Variants in PRICKLE2 observed in about 807,000 individuals in gnomAD.
PRICKLE2 encodes the protein prickle planar cell polarity protein 2.
A neutral mutation model predicts 81.4 loss-of-function variants in PRICKLE2; 21 were observed. The ratio of observed to expected loss-of-function variants is 0.26; its 90% CI spans 0.18 to 0.37. PRICKLE2 has a LOEUF of 0.37. Among genes scored for constraint, PRICKLE2 ranks in the 10% least tolerant of loss-of-function variants. The pLI is 1.00. For missense variants in PRICKLE2, 940 were observed against 1,109.0 expected (o/e 0.85, Z 2.16); for synonymous variants, 456 against 421.5 (o/e 1.08, Z -1.00).
At chr3:64,113,760 G>A (rs190026489) in intron 7 of PRICKLE2, among the ~76,000 whole-genome samples, 31 of 151,096 alleles carry the variant, frequency 2.1e-4, no homozygotes, top group African/African-American at 6.6e-4. Flanking sequence ...AGAGAACAGC[G>A]GACACCCCCA....
At chr3:64,175,812 A>G (rs186378046) in intron 2 of PRICKLE2, among the ~76,000 whole-genome samples, 144 of 152,342 alleles carry the variant, frequency 9.5e-4, no homozygotes, top group African/African-American at 3.4e-3. Flanking sequence ...ACTGTGAACT[A>G]TAAGGCTGTA....
chr3:64,165,607 T>G (rs999518663), intron 2 of PRICKLE2, among the ~76,000 whole-genome samples: 2 of 152,158 alleles, frequency 1.3e-5, no homozygotes, highest in Non-Finnish European at 2.9e-5. Flanking sequence ...CTTGACCTCC[T>G]GGGCTTAAGC....
chr3:64,232,747 C>T lies in PRICKLE2; in HGVS notation c.129-33780G>A, dbSNP rs574442570. Among the ~76,000 whole-genome samples, 3 of 152,266 alleles carry T rather than the reference C, an allele frequency of 2.0e-5. No homozygotes were observed. The South Asian group carries it at 6.2e-4, about 32-fold the overall frequency. On this transcript the variant is annotated intron_variant, in intron 2 of 8. Transcript: ENST00000295902. ...AGACCAACTGCCTATGTCACATCTC[C>T]ATCTCTTAATTCCCAGTTGAGTCCA... is the stretch of plus-strand genomic sequence containing the variant.
At position 64,159,968 on chromosome 3, in the gene PRICKLE2, A is replaced by C; in HGVS notation, c.368T>G (p.Val123Gly). The change falls in exon 4 of 8, where the codon GTC becomes GGC. Residue 123 changes from valine (V) to glycine (G), a missense_variant. Coordinates refer to ENST00000638394, the MANE Select transcript of PRICKLE2 (RefSeq NM_198859.4). ...TTCACAAATAGCTCCTGTCATGGTG[A>C]CTGGGAAAGGCCTGACATTCCCGCG... ...LGRGNVRPFP[V>G]TMTGAICEQC... The C allele has an allele frequency of 6.2e-7, 1 of 1,614,142 alleles. No homozygotes were observed. Among genetic ancestry groups the C allele is most frequent in the South Asian group, 1.1e-5 (1 of 91,072 alleles).
intron 2 of PRICKLE2, chr3:64,174,344 T>C (rs751012900): frequency 6.6e-6 from 1 of 152,210 alleles, no homozygotes; most frequent in Non-Finnish European, 1.5e-5. Flanking sequence ...ATTCATCTCA[T>C]ACAGTTATTG....
chr3:64,194,549 G>T (rs544054722), intron 2 of PRICKLE2, among the ~76,000 whole-genome samples: 1 of 152,158 alleles, frequency 6.6e-6, no homozygotes, highest in Non-Finnish European at 1.5e-5. Context: ...CAATGCAGAG[G>T]ACAGTCACCA....
chr3:64,251,664 G>A (rs563372017), intron 2 of PRICKLE2, among the ~76,000 whole-genome samples: 1 of 152,204 alleles, frequency 6.6e-6, no homozygotes, highest in Non-Finnish European at 1.5e-5. Context: ...CAGAGTTTGG[G>A]GCTAGCTCAC....
intron 7 of PRICKLE2, chr3:64,106,002 T>A (rs1434099852): frequency 4.6e-5 from 7 of 152,240 alleles, no homozygotes; most frequent in Non-Finnish European, 1.0e-4. Flanking sequence ...TTCATCTCTG[T>A]CTTCTTGACA....
In PRICKLE2 at chr3:64,153,115, A is replaced by T. The variant is rs925883453; in HGVS notation, c.787+67T>A. On this transcript the variant is annotated intron_variant, in intron 6 of 7. Transcript: ENST00000638394. ...TAACACTTGCAATCAAAGATACTTT[A>T]ACTACACCCAAAACAAAGGTGACCG... The T allele has an allele frequency of 4.2e-6, 6 of 1,424,978 alleles. No homozygotes were observed. In the African/African-American group the frequency reaches 8.4e-5, roughly 20 times the overall value. 88.3% of individuals were successfully genotyped at this position (1,424,978 alleles called of 1,614,324 possible). A position where few individuals can be genotyped will look rare whatever the true frequency, so the allele number is the denominator to read the frequency against.
intron 2 of PRICKLE2, among the ~76,000 whole-genome samples, chr3:64,195,099 T>C (rs1274836468): frequency 6.6e-6 from 1 of 152,190 alleles, no homozygotes; most frequent in African/African-American, 2.4e-5. Context: ...ACTAGGGGCA[T>C]ATTCCAGCCC....
chr3:64,143,076 G>A lies in PRICKLE2; in HGVS notation c.1660+3754C>T, dbSNP rs2077388981. ...CAGAGACTAATGATGGCTTAATATC[G>A]TGCCCATCTTATCAGTTCACTCTGT... On this transcript the variant is annotated intron_variant, in intron 7 of 7. Coordinates refer to ENST00000638394, the MANE Select transcript of PRICKLE2 (RefSeq NM_198859.4). Among the ~76,000 whole-genome samples, 6 of 152,132 alleles carry A rather than the reference G, an allele frequency of 3.9e-5. 1 individual carries two copies. In the South Asian group the frequency reaches 1.0e-3, roughly 26 times the overall value.
At chr3:64,258,357 T>C (rs1170304469) in intron 2 of PRICKLE2, among the ~76,000 whole-genome samples, 2 of 152,180 alleles carry the variant, frequency 1.3e-5, no homozygotes, top group African/African-American at 4.8e-5. Flanking sequence ...TTTTGATCTA[T>C]TTAACAATGG....
intron 7 of PRICKLE2, among the ~76,000 whole-genome samples, chr3:64,134,209 T>C (rs2077241654): frequency 6.6e-6 from 1 of 151,906 alleles, no homozygotes. Flanking sequence ...GCTAGAGAGG[T>C]GGTACGGTTT....
chr3:64,232,346 A>G (rs555552260), intron 2 of PRICKLE2, among the ~76,000 whole-genome samples: 1 of 152,336 alleles, frequency 6.6e-6, no homozygotes, highest in East Asian at 1.9e-4. Context: ...ATTAATAAAA[A>G]GCTTGACAAT....
At chr3:64,208,992 CTATT>C (rs1161478840) in intron 1 of PRICKLE2, among the ~76,000 whole-genome samples, 1 of 152,026 alleles carries the variant, frequency 6.6e-6, no homozygotes, top group Non-Finnish European at 1.5e-5. Flanking sequence ...ACCCATCTAT[CTATT>C]CATTCATATC....
At chr3:64,185,036 T>C (rs2078199133) in intron 2 of PRICKLE2, among the ~76,000 whole-genome samples, 2 of 152,128 alleles carry the variant, frequency 1.3e-5, no homozygotes, top group Non-Finnish European at 2.9e-5. Context: ...ACTTACATAA[T>C]GATGGAAGAG....
At chr3:64,145,152 T>A (rs1018765112) in intron 7 of PRICKLE2, among the ~76,000 whole-genome samples, 2 of 146,898 alleles carry the variant, frequency 1.4e-5, no homozygotes, top group Non-Finnish European at 3.0e-5. Flanking sequence ...CAGGCTGGAG[T>A]GCAGAGGTGG....
chr3:64,267,158 C>T (rs973704568), intron 2 of PRICKLE2, among the ~76,000 whole-genome samples: 1 of 152,060 alleles, frequency 6.6e-6, no homozygotes, highest in African/African-American at 2.4e-5. Context: ...TTCACCAAGT[C>T]CTGACTCTTC....
At position 64,198,787 on chromosome 3, in the gene PRICKLE2, T is replaced by C. The variant is rs2078511790; in HGVS notation, c.141A>G (p.Glu47=). ...ATGCTCCCATCCAGAATGGTACCTG[T>C]TCAGGCTTCAGACCCGGCGGGACCC... is the stretch of plus-strand genomic sequence containing the variant. ...YAWVPPGLKP[E]QVHQYYSCLP... is the part of the protein sequence containing the mutation. The change falls in exon 2 of 8, where the codon GAA becomes GAG. Residue 47 remains glutamate (E), a synonymous_variant. Transcript: ENST00000638394. The C allele has an allele frequency of 6.2e-7, 1 of 1,613,960 alleles. No individual in the cohort carries two copies. The highest frequency in any genetic ancestry group is 1.3e-5 in the African/African-American group (1 of 74,898).
Sources: gnomAD v4.1 joint callset for allele counts (sites outside exome capture counted in the v4.1 genomes callset) on GRCh38, gnomAD v4.1.1 for gene constraint, MANE v1.5 for transcripts, NCBI Gene and HGNC (gene_info 2026-07-23, HGNC 2026-07-21) for gene names.